The following FAT3 variants were observed in gnomAD, a reference collection of about 807,000 sequenced individuals.
FAT3 encodes FAT atypical cadherin 3, also known as protocadherin Fat 3.
Under a neutral mutation model 310.2 loss-of-function variants are expected in FAT3, and 95 were observed. That is an observed-to-expected ratio of 0.31 (90% CI 0.26 to 0.36). The LOEUF is 0.36. FAT3 is among the 10% of genes least tolerant of loss of function. The pLI is 1.00. For missense variants in FAT3, 5,408 were observed against 5,715.6 expected, an observed-to-expected ratio of 0.95 and a Z score of 1.74; for synonymous variants, 2,314 against 2,192.9, an observed-to-expected ratio of 1.06 and a Z score of -1.54.
chr11:92,608,748 C>A (rs898345043), intron 3 of FAT3, among the ~76,000 whole-genome samples: 13 of 58,716 alleles, frequency 2.2e-4, no homozygotes, highest in African/African-American at 5.1e-4. Context: ...TAATAATACT[C>A]CTCACATGCA....
At chr11:92,564,680 A>G (rs1185743666) in intron 3 of FAT3, among the ~76,000 whole-genome samples, 2 of 152,168 alleles carry the variant, frequency 1.3e-5, no homozygotes, top group East Asian at 3.9e-4. Flanking sequence ...AGTTATAACA[A>G]ACTATCTCTC....
intron 2 of FAT3, among the ~76,000 whole-genome samples, chr11:92,439,297 AT>A (rs1473693174): frequency 2.6e-5 from 4 of 152,094 alleles, no homozygotes; most frequent in Non-Finnish European, 5.9e-5. Context: ...ATATTTTAGC[AT>A]TTTCCTCTCA....
intron 7 of FAT3, among the ~76,000 whole-genome samples, chr11:92,784,650 A>G (rs551586084): frequency 1.3e-5 from 2 of 152,328 alleles, no homozygotes; most frequent in East Asian, 3.9e-4. Flanking sequence ...ACCATTTTGA[A>G]CACAACATCT....
At chr11:92,329,953 G>A (rs1456739938) in intron 1 of FAT3, among the ~76,000 whole-genome samples, 2 of 151,704 alleles carry the variant, frequency 1.3e-5, no homozygotes, top group African/African-American at 4.8e-5. Flanking sequence ...AGCTTTATTT[G>A]AATGTTTTTC....
intron 17 of FAT3, 116 bp downstream of exon 17, chr11:92,837,922 A>C (rs972258920): frequency 6.3e-6 from 8 of 1,271,434 alleles, no homozygotes; most frequent in Non-Finnish European, 9.0e-6. Flanking sequence ...TCATCCCTTC[A>C]TAGGGCAGGT....
At chr11:92,561,549 G>A (rs1357853745) in intron 3 of FAT3, among the ~76,000 whole-genome samples, 1 of 151,890 alleles carries the variant, frequency 6.6e-6, no homozygotes, top group Non-Finnish European at 1.5e-5. Context: ...TTTTCTCAGA[G>A]GGAGTATTGG....
chr11:92,848,131 C>G (rs1172948039), intron 19 of FAT3, among the ~76,000 whole-genome samples: 1 of 152,222 alleles, frequency 6.6e-6, no homozygotes, highest in Non-Finnish European at 1.5e-5. Context: ...CCTCAATATT[C>G]TATCCTCCTC....
chr11:92,327,242 T>G (rs1486321660), intron 1 of FAT3, among the ~76,000 whole-genome samples: 1 of 152,118 alleles, frequency 6.6e-6, no homozygotes, highest in Non-Finnish European at 1.5e-5. Flanking sequence ...TTTATTTTTT[T>G]TTCTACTTGC....
At chr11:92,361,613 A>T (rs1372589264) in intron 2 of FAT3, among the ~76,000 whole-genome samples, 2 of 152,180 alleles carry the variant, frequency 1.3e-5, no homozygotes, top group Non-Finnish European at 2.9e-5. Context: ...CCCAGCTTCT[A>T]GAACTGTGAG....
chr11:92,253,595 G>A (rs1865211112), intron 1 of FAT3, among the ~76,000 whole-genome samples: 1 of 152,060 alleles, frequency 6.6e-6, no homozygotes, highest in African/African-American at 2.4e-5. Context: ...AGAACACCTA[G>A]GACATATTTA....
chr11:92,502,056 C>T (rs184352672), intron 2 of FAT3, among the ~76,000 whole-genome samples: 317 of 152,008 alleles, frequency 2.1e-3, no homozygotes, highest in African/African-American at 7.2e-3. Context: ...TACATTTGTA[C>T]GTGATAGACT....
chr11:92,800,392 G>A lies in FAT3; in HGVS notation c.7379G>A (p.Arg2460Gln), dbSNP rs200944979. ...ACATTGTCCAACCATCGGAAGCAGC[G>A]GATGGAGCCTCTGTACAGTCTCAAT... ...VITLSNHRKQ[R>Q]MEPLYSLNVS... The change falls in exon 10 of 28, where the codon CGG (arginine) becomes CAG (glutamine). Residue 2460 changes from arginine to glutamine, a missense_variant. This residue lies in a region of FAT3 where 4,588 missense variants were observed against 4,809.8 expected (regional missense o/e 0.95). Transcript: ENST00000525166. 1.3e-3 allele frequency: 2,155 copies of A among 1,613,986 alleles called. 3 individuals carry two copies. Among genetic ancestry groups the A allele is most frequent in the Non-Finnish European group, 1.7e-3 (2,021 of 1,179,878 alleles).
chr11:92,802,054 G>A (rs1256250377), intron 10 of FAT3, 145 bp downstream of exon 10: 1 of 820,676 alleles, frequency 1.2e-6, no homozygotes, highest in African/African-American at 1.7e-5. Context: ...AAGGATCTCT[G>A]AGCAGACTGC....
intron 2 of FAT3, among the ~76,000 whole-genome samples, chr11:92,425,732 C>T (rs190087588): frequency 1.3e-5 from 2 of 152,254 alleles, no homozygotes; most frequent in African/African-American, 4.8e-5. Flanking sequence ...TGTATGGCTG[C>T]ATTGTATTCC....
At chr11:92,422,115 C>T (rs1175469902) in intron 2 of FAT3, among the ~76,000 whole-genome samples, 2 of 152,148 alleles carry the variant, frequency 1.3e-5, no homozygotes, top group Non-Finnish European at 2.9e-5. Context: ...CAGGGAGACG[C>T]ACATGTCTCA....
chr11:92,582,953 G>A (rs7946657), intron 3 of FAT3, among the ~76,000 whole-genome samples: 2,147 of 152,080 alleles, frequency 0.014, 37 homozygotes, highest in African/African-American at 0.037. Context: ...AATACATTGT[G>A]CACGATAAGG....
chr11:92,878,634 T>TAAAAAAAAAAAA (rs145900689), intron 22 of FAT3, among the ~76,000 whole-genome samples: 8 of 21,200 alleles, frequency 3.8e-4, no homozygotes, highest in Admixed American at 1.2e-3. Flanking sequence ...TGTTATGTGT[T>TAAAAAAAAAAAA]AAAAAAAAAA....
intron 4 of FAT3, among the ~76,000 whole-genome samples, chr11:92,721,699 T>C (rs1374942312): frequency 6.6e-6 from 1 of 152,138 alleles, no homozygotes; most frequent in Non-Finnish European, 1.5e-5. Flanking sequence ...ATGCTGCTGA[T>C]AAAGACATAA....
At chr11:92,716,314 C>A (rs1944685258) in intron 4 of FAT3, among the ~76,000 whole-genome samples, 1 of 152,126 alleles carries the variant, frequency 6.6e-6, no homozygotes, top group Non-Finnish European at 1.5e-5. Context: ...TGGTTGGCTT[C>A]ATTTGTGTTT....
Sources: allele counts gnomAD v4.1 joint callset (sites outside exome capture counted in the v4.1 genomes callset), GRCh38; gene constraint gnomAD v4.1.1; regional missense constraint gnomAD v4.1.1; transcripts MANE v1.5; gene names NCBI Gene and HGNC (gene_info 2026-07-23, HGNC 2026-07-21).